SIPA1L1: variants seen among roughly 807,000 people sequenced by gnomAD.
The protein encoded by SIPA1L1 is signal induced proliferation associated 1 like 1.
Under a neutral mutation model 162.7 loss-of-function variants are expected in SIPA1L1, and 26 were observed. The observed-to-expected ratio is 0.16, with a 90% CI of 0.12 to 0.22. The LOEUF is 0.22. Among genes scored for constraint, SIPA1L1 ranks in the 10% least tolerant of loss-of-function variants. The probability of loss-of-function intolerance (pLI) is 1.00; values close to 1 mark genes in which losing one functional copy is unlikely to be tolerated. For missense variants in SIPA1L1, 1,874 were observed against 2,241.0 expected, an observed-to-expected ratio of 0.84 and a Z score of 3.31; for synonymous variants, 829 against 837.4, an observed-to-expected ratio of 0.99 and a Z score of 0.17.
intron 5 of SIPA1L1, among the ~76,000 whole-genome samples, chr14:71,616,322 G>A (rs1386234955): frequency 6.6e-6 from 1 of 152,200 alleles, no homozygotes; most frequent in East Asian, 1.9e-4. Flanking sequence ...CTTTGAGAAA[G>A]TCATTGGTGA....
intron 5 of SIPA1L1, among the ~76,000 whole-genome samples, chr14:71,615,479 T>C (rs1254492704): frequency 1.3e-5 from 2 of 152,110 alleles, no homozygotes; most frequent in Non-Finnish European, 2.9e-5. Flanking sequence ...CTCAGGCAAG[T>C]GATGATAGGA....
At chr14:71,357,413 A>C (rs921940875) in intron 2 of SIPA1L1, among the ~76,000 whole-genome samples, 1 of 152,164 alleles carries the variant, frequency 6.6e-6, no homozygotes, top group Non-Finnish European at 1.5e-5. Flanking sequence ...AGGCCGCCTG[A>C]TTTCATAGCC....
intron 2 of SIPA1L1, among the ~76,000 whole-genome samples, chr14:71,397,469 GCTGT>G (rs1227528004): frequency 2.0e-5 from 3 of 146,992 alleles, no homozygotes; most frequent in South Asian, 2.2e-4. Flanking sequence ...CCTCTTTCAG[GCTGT>G]CTTTCACAAT....
At position 71,671,409 on chromosome 14, in the gene SIPA1L1, C is replaced by T. The variant is rs2044495207; in HGVS notation, c.2546C>T (p.Pro849Leu). The change falls in exon 11 of 24, where the codon CCA becomes CTA. Residue 849 changes from proline to leucine, a missense_variant. Transcript: ENST00000381232. ...AAGAAGGAAAAGTCTAAGCCATATC[C>T]AGGAGCCGAGCTCAGCAGCATGGGG... is the stretch of plus-strand genomic sequence containing the variant. ...SKKKEKSKPY[P>L]GAELSSMGAI... 3.1e-6 allele frequency: 5 copies of T among 1,614,200 alleles called. No homozygotes were observed. Among genetic ancestry groups the T allele is most frequent in the Non-Finnish European group, 3.4e-6 (4 of 1,180,042 alleles).
intron 2 of SIPA1L1, among the ~76,000 whole-genome samples, chr14:71,458,833 G>A (rs143598357): frequency 1.4e-3 from 210 of 152,172 alleles, no homozygotes; most frequent in Non-Finnish European, 2.5e-3. Context: ...CACTTTGGGA[G>A]GCCAAGGTTT....
At chr14:71,452,533 C>T (rs1402576040) in intron 2 of SIPA1L1, among the ~76,000 whole-genome samples, 1 of 152,114 alleles carries the variant, frequency 6.6e-6, no homozygotes, top group East Asian at 1.9e-4. Context: ...TTCTGTTAGG[C>T]ATCTATACCT....
chr14:71,675,548 C>G (rs2045062525), intron 12 of SIPA1L1, among the ~76,000 whole-genome samples: 1 of 152,246 alleles, frequency 6.6e-6, no homozygotes, highest in African/African-American at 2.4e-5. Context: ...ACAGCTGAAG[C>G]ATTAACACCT....
chr14:71,706,585 C>T (rs1036141918), intron 16 of SIPA1L1, among the ~76,000 whole-genome samples: 3 of 152,162 alleles, frequency 2.0e-5, no homozygotes, highest in Non-Finnish European at 4.4e-5. Flanking sequence ...GATTTCACAG[C>T]ACAGGTCTGG....
intron 3 of SIPA1L1, among the ~76,000 whole-genome samples, chr14:71,515,461 A>G (rs1468083116): frequency 2.6e-5 from 4 of 152,182 alleles, no homozygotes; most frequent in Non-Finnish European, 4.4e-5. Flanking sequence ...AATCTCTTCT[A>G]TGGGCTATGG....
At chr14:71,607,268 G>A (rs118085840) in intron 5 of SIPA1L1, among the ~76,000 whole-genome samples, 209 of 151,146 alleles carry the variant, frequency 1.4e-3, no homozygotes, top group Non-Finnish European at 2.5e-3. Flanking sequence ...ACTGCCCTCG[G>A]CATAATAGAT....
chr14:71,326,051 C>G (rs1389760019), intron 2 of SIPA1L1, among the ~76,000 whole-genome samples: 1 of 152,110 alleles, frequency 6.6e-6, no homozygotes. Context: ...TCCTTTTTTC[C>G]TCTTTCCTCC....
At chr14:71,396,342 GTTCACTTGGGT>G (rs1320097441) in intron 2 of SIPA1L1, among the ~76,000 whole-genome samples, 1 of 152,120 alleles carries the variant, frequency 6.6e-6, no homozygotes, top group African/African-American at 2.4e-5. Context: ...TGTGAAATCA[GTTCACTTGGGT>G]TTCTCAGCCC....
intron 4 of SIPA1L1, among the ~76,000 whole-genome samples, chr14:71,550,979 C>T (rs1210266033): frequency 1.3e-5 from 2 of 152,196 alleles, no homozygotes. Flanking sequence ...TCCCTTTCCT[C>T]TCCAGCCACA....
At chr14:71,413,255 G>A (rs187360030) in intron 2 of SIPA1L1, among the ~76,000 whole-genome samples, 1 of 152,308 alleles carries the variant, frequency 6.6e-6, no homozygotes, top group Non-Finnish European at 1.5e-5. Flanking sequence ...TTGGAATAGT[G>A]ATTCCCATAG....
chr14:71,457,496 A>G (rs993510354), intron 2 of SIPA1L1, among the ~76,000 whole-genome samples: 5 of 151,200 alleles, frequency 3.3e-5, no homozygotes, highest in African/African-American at 4.9e-5. Context: ...ATGGGGTTTC[A>G]CTATATTGGC....
At chr14:71,423,249 AATATTTTCTCCCATTCTGT>A (rs931821663) in intron 2 of SIPA1L1, among the ~76,000 whole-genome samples, 5 of 152,098 alleles carry the variant, frequency 3.3e-5, no homozygotes, top group African/African-American at 1.2e-4. Flanking sequence ...ATGATTTGAA[AATATTTTCTCCCATTCTGT>A]GTGTTGCCTT....
chr14:71,580,880 A>G (rs1277003622), intron 4 of SIPA1L1, among the ~76,000 whole-genome samples: 1 of 152,186 alleles, frequency 6.6e-6, no homozygotes, highest in Non-Finnish European at 1.5e-5. Flanking sequence ...CAGAAAATAA[A>G]AAATATAAAT....
intron 2 of SIPA1L1, among the ~76,000 whole-genome samples, chr14:71,488,995 C>G (rs2049006946): frequency 2.0e-5 from 3 of 152,174 alleles, no homozygotes; most frequent in Admixed American, 6.5e-5. Context: ...AGCTGCTGCT[C>G]TTGCCTCTGT....
intron 2 of SIPA1L1, among the ~76,000 whole-genome samples, chr14:71,388,439 A>G (rs1327467121): frequency 6.6e-6 from 1 of 152,246 alleles, no homozygotes; most frequent in Non-Finnish European, 1.5e-5. Flanking sequence ...AAGAGTGCAT[A>G]GCTTCTACAC....
Sources: gnomAD v4.1 joint callset for allele counts (sites outside exome capture counted in the v4.1 genomes callset) on GRCh38, gnomAD v4.1.1 for gene constraint, MANE v1.5 for transcripts, NCBI Gene and HGNC (gene_info 2026-07-23, HGNC 2026-07-21) for gene names.